The following LINGO2 variants were observed in gnomAD, a reference collection of about 807,000 sequenced individuals.
LINGO2 encodes leucine rich repeat and Ig domain containing 2.
LINGO2 carries 14 observed loss-of-function variants against 30.6 expected under a neutral mutation model. That is an observed-to-expected ratio of 0.46 (90% CI 0.30 to 0.72). The LOEUF (loss-of-function observed/expected upper bound fraction) is 0.72, where lower values mean the gene tolerates loss of function less well. Among genes scored for constraint, LINGO2 ranks in the 30% least tolerant of loss-of-function variants. The pLI is 0.07. For missense variants in LINGO2, 729 were observed against 751.7 expected (o/e 0.97, Z 0.35); for synonymous variants, 317 against 288.5 (o/e 1.10, Z -1.00).
the LINGO2 span, among the ~76,000 whole-genome samples, chr9:28,982,684 CA>C: frequency 1.3e-5 from 2 of 151,630 alleles, no homozygotes; most frequent in Admixed American, 1.3e-4. Flanking sequence ...CTTATTATAC[CA>C]AAATATAGGG....
the LINGO2 span, among the ~76,000 whole-genome samples, chr9:28,903,691 T>G: frequency 1.3e-5 from 2 of 152,150 alleles, no homozygotes; most frequent in Non-Finnish European, 2.9e-5. Context: ...TTGCCTAGAC[T>G]GGTCTCAAAC....
chr9:29,189,034 C>T, the LINGO2 span, among the ~76,000 whole-genome samples: 1 of 106,372 alleles, frequency 9.4e-6, no homozygotes, highest in Admixed American at 8.9e-5. Context: ...ACCTCCCAGA[C>T]GGGGCGGCTG....
chr9:29,180,009 T>C, the LINGO2 span, among the ~76,000 whole-genome samples: 2 of 152,196 alleles, frequency 1.3e-5, no homozygotes, highest in Non-Finnish European at 2.9e-5. Context: ...ATTTATTTCA[T>C]GAACTTGAGT....
At chr9:29,124,196 C>T in the LINGO2 span, among the ~76,000 whole-genome samples, 10 of 152,166 alleles carry the variant, frequency 6.6e-5, no homozygotes, top group Non-Finnish European at 1.0e-4. Flanking sequence ...GCTGGGATAA[C>T]TGACTAGCCA....
the LINGO2 span, among the ~76,000 whole-genome samples, chr9:28,692,704 C>G: frequency 1.6e-4 from 24 of 152,206 alleles, no homozygotes; most frequent in Admixed American, 3.3e-4. Flanking sequence ...GTGAAACCTT[C>G]TCTAACACTA....
chr9:28,495,118 C>T (rs1212733599), intron 1 of LINGO2, among the ~76,000 whole-genome samples: 1 of 152,096 alleles, frequency 6.6e-6, no homozygotes, highest in Non-Finnish European at 1.5e-5. Flanking sequence ...TGGATATTAG[C>T]CCTTTGTCAG....
intron 4 of LINGO2, among the ~76,000 whole-genome samples, chr9:28,176,881 T>A (rs2133690108): frequency 6.6e-6 from 1 of 152,312 alleles, no homozygotes; most frequent in East Asian, 1.9e-4. Flanking sequence ...CATTTAAAAC[T>A]CAAGAATCAT....
chr9:28,565,648 T>A (rs1406058620), intron 1 of LINGO2, among the ~76,000 whole-genome samples: 1 of 150,710 alleles, frequency 6.6e-6, no homozygotes. Context: ...GCCTTCCGGG[T>A]TCATGCCATT....
At chr9:29,075,645 C>A in the LINGO2 span, among the ~76,000 whole-genome samples, 1 of 151,868 alleles carries the variant, frequency 6.6e-6, no homozygotes, top group Non-Finnish European at 1.5e-5. Flanking sequence ...GAGAAGAATT[C>A]GCATAAGGGT....
chr9:27,943,672 C>T (rs544657742), downstream of LINGO2: 1 of 150,428 alleles, frequency 6.6e-6, no homozygotes, highest in African/African-American at 2.4e-5. Context: ...TCTCAGTTAC[C>T]AATGAAAGAA....
chr9:28,544,213 T>A (rs953819756), intron 1 of LINGO2, among the ~76,000 whole-genome samples: 2 of 151,352 alleles, frequency 1.3e-5, no homozygotes, highest in Admixed American at 6.6e-5. Context: ...CAAAAAAAAA[T>A]ACAAATAAAA....
the LINGO2 span, among the ~76,000 whole-genome samples, chr9:29,157,277 A>C: frequency 3.9e-5 from 6 of 152,166 alleles, no homozygotes; most frequent in African/African-American, 7.2e-5. Flanking sequence ...ATAAGATTTG[A>C]TATGTTCAAC....
chr9:28,202,992 G>A (rs376541096), intron 4 of LINGO2, among the ~76,000 whole-genome samples: 3 of 152,076 alleles, frequency 2.0e-5, no homozygotes, highest in Non-Finnish European at 2.9e-5. Context: ...ACAAATCTTA[G>A]TACATACTTT....
chr9:28,884,943 TATATAATATATAATA>T, the LINGO2 span, among the ~76,000 whole-genome samples: 6 of 19,592 alleles, frequency 3.1e-4, no homozygotes, highest in Non-Finnish European at 8.4e-4. Flanking sequence ...ATATATAATA[TATATAATATATAATA>T]TTTTATATAT....
At chr9:29,206,237 T>C in the LINGO2 span, among the ~76,000 whole-genome samples, 1 of 152,234 alleles carries the variant, frequency 6.6e-6, no homozygotes, top group African/African-American at 2.4e-5. Flanking sequence ...CATGGGAGCA[T>C]TTCTAAGGAT....
chr9:28,004,345 G>T (rs542226760), intron 5 of LINGO2, among the ~76,000 whole-genome samples: 2 of 152,216 alleles, frequency 1.3e-5, no homozygotes, highest in Non-Finnish European at 2.9e-5. Context: ...AAAAGGTAGA[G>T]ATTTTTATCC....
the LINGO2 span, among the ~76,000 whole-genome samples, chr9:28,694,350 T>C: frequency 6.6e-6 from 1 of 152,080 alleles, no homozygotes; most frequent in South Asian, 2.1e-4. Flanking sequence ...TCCTGGTTCA[T>C]AAGTCAAACT....
At chr9:28,695,137 T>C in the LINGO2 span, among the ~76,000 whole-genome samples, 16,714 of 151,794 alleles carry the variant, frequency 0.11, 1,184 homozygotes, top group East Asian at 0.28. Context: ...GTTTTGACAG[T>C]GAACAAAGTT....
intron 4 of LINGO2, among the ~76,000 whole-genome samples, chr9:28,070,405 AC>A (rs1825439394): frequency 6.6e-6 from 1 of 151,992 alleles, no homozygotes; most frequent in African/African-American, 2.4e-5. Context: ...TATACCAAAA[AC>A]CAAAAAACAA....
Sources: allele counts gnomAD v4.1 joint callset (sites outside exome capture counted in the v4.1 genomes callset), GRCh38; gene constraint gnomAD v4.1.1; transcripts MANE v1.5; gene names NCBI Gene and HGNC (gene_info 2026-07-23, HGNC 2026-07-21).